MIB1: variants seen among roughly 807,000 people sequenced by gnomAD.
MIB1 encodes E3 ubiquitin-protein ligase MIB1.
In MIB1, 278 loss-of-function variants were observed where a neutral mutation model predicts 124.5. The ratio of observed to expected loss-of-function variants is 2.23; its 90% CI spans 2.02 to 2.47. MIB1 has a LOEUF of 2.47. Ranked by LOEUF, MIB1 falls within the 30% of genes most tolerant of loss-of-function variation. MIB1 has a pLI of 0.00. For missense variants in MIB1, 957 were observed against 1,254.4 expected, an observed-to-expected ratio of 0.76 and a Z score of 3.58; for synonymous variants, 446 against 429.4, an observed-to-expected ratio of 1.04 and a Z score of -0.48.
At chr18:21,720,465 C>G (rs1009079262) in intron 1 of MIB1, among the ~76,000 whole-genome samples, 3 of 151,540 alleles carry the variant, frequency 2.0e-5, no homozygotes, top group African/African-American at 7.3e-5. Flanking sequence ...AACAATCTGG[C>G]TTATTAAATA....
At chr18:21,795,333 TATAATATATATAATATATAAATAATAC>T (rs1356339713) in intron 7 of MIB1, among the ~76,000 whole-genome samples, 2 of 136,508 alleles carry the variant, frequency 1.5e-5, no homozygotes, top group Non-Finnish European at 3.0e-5. Context: ...TATATAAATA[TATAATATATATAATATATAAATAATAC>T]ATAATATATA....
intron 1 of MIB1, among the ~76,000 whole-genome samples, chr18:21,746,970 A>C (rs138829568): frequency 6.6e-6 from 1 of 152,186 alleles, no homozygotes; most frequent in African/African-American, 2.4e-5. Context: ...CTTTATCAGA[A>C]TAGAGTCCCC....
At chr18:21,749,607 C>G (rs1416029702) in intron 1 of MIB1, among the ~76,000 whole-genome samples, 4 of 145,782 alleles carry the variant, frequency 2.7e-5, no homozygotes, top group South Asian at 4.4e-4. Context: ...ATTGTGACAA[C>G]TGATACATTT....
intron 12 of MIB1, among the ~76,000 whole-genome samples, chr18:21,836,183 G>C (rs1012305495): frequency 7.9e-5 from 12 of 152,010 alleles, no homozygotes; most frequent in African/African-American, 2.9e-4. Context: ...GAGCCTGGGA[G>C]GTTGAAACTG....
intron 1 of MIB1, among the ~76,000 whole-genome samples, chr18:21,745,330 A>G (rs1453860274): frequency 6.6e-6 from 1 of 152,194 alleles, no homozygotes; most frequent in African/African-American, 2.4e-5. Flanking sequence ...ATTTTTTGTT[A>G]TAGGAATGTC....
At chr18:21,854,582 C>T (rs1455434802) in intron 18 of MIB1, 1 of 152,164 alleles carries the variant, frequency 6.6e-6, no homozygotes, top group African/African-American at 2.6e-5. Flanking sequence ...GAATTTTTTA[C>T]ATGGCGTTTG....
upstream of MIB1, among the ~76,000 whole-genome samples, chr18:21,737,876 A>C (rs2040803004): frequency 6.6e-6 from 1 of 152,210 alleles, no homozygotes; most frequent in Non-Finnish European, 1.5e-5. Flanking sequence ...CAGATTCATA[A>C]AGCAAGTTCT....
In MIB1 at chr18:21,765,834, T is replaced by C; in HGVS notation, c.292T>C (p.Trp98Arg). Residue 98 changes from tryptophan (W) to arginine (R), a missense_variant, in exon 2 of 21, where the codon TGG becomes CGG. By Grantham distance (101) the Trp-to-Arg change is moderately radical. Transcript: ENST00000261537. ...CCAGCAACCAATCATTGGCATTCGATGGAAGTGTGCAGAGTGTACAAATTA... is the reference window on the plus strand; with the variant it reads ...CCAGCAACCAATCATTGGCATTCGACGGAAGTGTGCAGAGTGTACAAATTA... The part of the protein sequence containing the change: ...CRQQPIIGIR[W>R]KCAECTNYDL... The C allele has an allele frequency of 6.2e-7, 1 of 1,614,182 alleles. No homozygotes were observed. The highest frequency in any genetic ancestry group is 8.5e-7 in the Non-Finnish European group (1 of 1,180,012).
At chr18:21,809,014 A>C (rs554274289) in intron 10 of MIB1, among the ~76,000 whole-genome samples, 178 of 152,224 alleles carry the variant, frequency 1.2e-3, no homozygotes, top group African/African-American at 4.2e-3. Flanking sequence ...CAGATAACCC[A>C]AATTTTTTGG....
chr18:21,734,105 A>ATT lies in MIB1; in HGVS notation n.167+29000_167+29001dup, dbSNP rs1187958268. Among the ~76,000 whole-genome samples, 48 of 118,156 alleles carry ATT rather than the reference A, an allele frequency of 4.1e-4. 1 individual carries two copies. Among genetic ancestry groups the ATT allele is most frequent in the Admixed American group, 5.1e-4 (6 of 11,694 alleles). The allele number at this position is 118,156 out of a possible 152,430, so 77.5% of individuals were successfully genotyped here. ...AAATATGATATTTGTTCTTGCTTTG[A>ATT]TTTTTTTTTTTTTTTTTTTGAGACA... On this transcript the variant is annotated intron_variant and non_coding_transcript_variant, in intron 1 of 20. Transcript: ENST00000578646.
At chr18:21,822,004 C>T (rs372361444) in intron 12 of MIB1, among the ~76,000 whole-genome samples, 3 of 152,170 alleles carry the variant, frequency 2.0e-5, no homozygotes, top group African/African-American at 2.4e-5. Context: ...TCATATTCAT[C>T]TGTTCATCCT....
chr18:21,713,754 CT>C lies in MIB1; in HGVS notation n.167+8646del, dbSNP rs79864353. 3.9e-3 allele frequency among the ~76,000 whole-genome samples: 538 copies of C among 138,226 alleles called. 2 individuals carry two copies. Among genetic ancestry groups the C allele is most frequent in the East Asian group, 7.2e-3 (34 of 4,752 alleles). 90.7% of individuals were successfully genotyped at this position (138,226 alleles called of 152,430 possible). On this transcript the variant is annotated intron_variant and non_coding_transcript_variant, in intron 1 of 20. Coordinates refer to the MIB1 transcript ENST00000578646. ...GAGTTACCATGCCTGCACCCCTCTC[CT>C]TTTTTTTTTTTTTTGTATTTTTAGT...
At chr18:21,787,661 A>G (rs2041451917) in intron 6 of MIB1, among the ~76,000 whole-genome samples, 1 of 151,536 alleles carries the variant, frequency 6.6e-6, no homozygotes, top group South Asian at 2.1e-4. Flanking sequence ...TTCTTTTATT[A>G]TCTGCTTGGC....
rs1274795601 is a variant in MIB1 at position 21,864,610 on chromosome 18, A to G, written c.2965A>G (p.Met989Val). The stretch of plus-strand genomic sequence containing the variant: ...AACCTGTCAACTCTGTGGAGACCGC[A>G]TGAGTGAATGTCCTATCTGTCGCAA... ...HGTCQLCGDRMSECPICRKAI... is the reference protein window; with the variant it reads ...HGTCQLCGDRVSECPICRKAI... Residue 989 changes from methionine to valine, a missense_variant, in exon 21 of 21, where the codon ATG (methionine) becomes GTG (valine). By Grantham distance (21) the Met-to-Val change is conservative (BLOSUM62 1). Transcript: ENST00000261537. The G allele has an allele frequency of 6.8e-6, 11 of 1,613,654 alleles. No homozygotes were observed. Among genetic ancestry groups the G allele is most frequent in the Admixed American group, 3.3e-5 (2 of 60,030 alleles).
At chr18:21,832,544 A>G (rs886780182) in intron 12 of MIB1, among the ~76,000 whole-genome samples, 1 of 152,208 alleles carries the variant, frequency 6.6e-6, no homozygotes, top group African/African-American at 2.4e-5. Flanking sequence ...AAGATCTCAC[A>G]TAAAAATGCA....
intron 1 of MIB1, among the ~76,000 whole-genome samples, chr18:21,762,563 T>C (rs941581310): frequency 6.6e-6 from 1 of 152,168 alleles, no homozygotes; most frequent in African/African-American, 2.4e-5. Context: ...TTAGCCTTTG[T>C]GGTTTTCCAA....
At chr18:21,799,710 G>A in intron 8 of MIB1, 131 bp from the exon 9 acceptor site, 1 of 894,744 alleles carries the variant, frequency 1.1e-6, no homozygotes. Context: ...ACTTGCATGG[G>A]TAGAAAAATA....
At chr18:21,864,437 A>G (rs1568232153) in intron 20 of MIB1, 89 bp from the exon 21 acceptor site, 2 of 1,066,226 alleles carry the variant, frequency 1.9e-6, no homozygotes, top group Non-Finnish European at 2.7e-6. Flanking sequence ...TTTGACTAAA[A>G]CAACTAAAGA....
chr18:21,802,260 C>G (rs2041658506), intron 9 of MIB1, among the ~76,000 whole-genome samples: 1 of 151,998 alleles, frequency 6.6e-6, no homozygotes, highest in Admixed American at 6.6e-5. Flanking sequence ...CTTTTTTCAT[C>G]TATTGCTTTA....
Sources: allele counts gnomAD v4.1 joint callset (sites outside exome capture counted in the v4.1 genomes callset), GRCh38; gene constraint gnomAD v4.1.1; transcripts MANE v1.5; gene names NCBI Gene and HGNC (gene_info 2026-07-23, HGNC 2026-07-21).